RUNX1: variants seen among roughly 807,000 people sequenced by gnomAD.
RUNX1 encodes RUNX family transcription factor 1, also known as runt-related transcription factor 1.
Under a neutral mutation model 42.8 loss-of-function variants are expected in RUNX1, and 19 were observed. The ratio of observed to expected loss-of-function variants is 0.44; its 90% CI spans 0.31 to 0.65. The LOEUF (loss-of-function observed/expected upper bound fraction) is 0.65. Among genes scored for constraint, RUNX1 ranks in the 30% least tolerant of loss-of-function variants. The probability of loss-of-function intolerance (pLI) is 0.07; values close to 1 mark genes in which losing one functional copy is unlikely to be tolerated. For synonymous variants in RUNX1, 271 were observed against 289.4 expected, an observed-to-expected ratio of 0.94 and a Z score of 0.64; for missense variants, 528 against 672.0, an observed-to-expected ratio of 0.79 and a Z score of 2.37.
intron 2 of RUNX1, among the ~76,000 whole-genome samples, chr21:35,025,101 C>T (rs566172764): frequency 1.3e-5 from 2 of 152,358 alleles, no homozygotes; most frequent in East Asian, 1.9e-4. Context: ...GGTGCTCCCT[C>T]TCCCTCCCAG....
intron 2 of RUNX1, among the ~76,000 whole-genome samples, chr21:34,979,127 C>G (rs1313658754): frequency 6.6e-6 from 1 of 152,182 alleles, no homozygotes; most frequent in East Asian, 1.9e-4. Flanking sequence ...TGACTGGGAA[C>G]TGTCAAGTCT....
chr21:34,830,268 C>G (rs1038408919), intron 7 of RUNX1, among the ~76,000 whole-genome samples: 12 of 152,136 alleles, frequency 7.9e-5, no homozygotes, highest in African/African-American at 2.9e-4. Context: ...ATAAAGTAAA[C>G]AGAGTGGCTG....
At chr21:34,850,154 G>A (rs903483633) in intron 6 of RUNX1, among the ~76,000 whole-genome samples, 3 of 152,220 alleles carry the variant, frequency 2.0e-5, no homozygotes, top group African/African-American at 7.2e-5. Flanking sequence ...AGGAGTTGAT[G>A]TATTTTAATG....
chr21:34,966,914 G>A lies in RUNX1; in HGVS notation c.59-73951C>T, dbSNP rs180812176. Among the ~76,000 whole-genome samples the A allele has an allele frequency of 3.7e-3, 561 of 152,160 alleles. 2 individuals carry two copies. The highest frequency in any genetic ancestry group is 5.7e-3 in the Non-Finnish European group (385 of 68,018). On this transcript the variant is annotated intron_variant, in intron 2 of 8. Transcript: ENST00000675419. ...ATGAAAATGTGCCAGATGAGGTGAA[G>A]GAAGGAGAGCGCAGGGGTCCTAAGA...
At chr21:35,007,911 C>T (rs2059097074) in intron 2 of RUNX1, among the ~76,000 whole-genome samples, 1 of 152,158 alleles carries the variant, frequency 6.6e-6, no homozygotes, top group Admixed American at 6.5e-5. Context: ...AGCTCTTCAG[C>T]CTGGCATTCA....
chr21:34,970,305 A>G (rs1445376613), intron 2 of RUNX1, among the ~76,000 whole-genome samples: 1 of 152,240 alleles, frequency 6.6e-6, no homozygotes, highest in Non-Finnish European at 1.5e-5. Flanking sequence ...TAGTTTTGGA[A>G]GCACCACAGA....
At chr21:34,856,374 C>A (rs369618952) in intron 6 of RUNX1, 3 of 518,870 alleles carry the variant, frequency 5.8e-6, no homozygotes, top group Non-Finnish European at 1.2e-5. Flanking sequence ...TCGAGATGAG[C>A]CAAATATGCC....
At chr21:34,821,504 G>A in intron 7 of RUNX1, 1 of 1,486,254 alleles carries the variant, frequency 6.7e-7, no homozygotes, top group South Asian at 1.3e-5. Flanking sequence ...GTTTGCAGAG[G>A]GGGAGAAGGG....
intron 2 of RUNX1, among the ~76,000 whole-genome samples, chr21:34,954,435 G>A (rs1262315461): frequency 6.6e-6 from 1 of 152,102 alleles, no homozygotes; most frequent in East Asian, 1.9e-4. Context: ...AAGGCAGGAG[G>A]GTAAAGAATT....
intron 2 of RUNX1, among the ~76,000 whole-genome samples, chr21:35,033,160 C>A (rs1227799230): frequency 6.6e-6 from 1 of 152,196 alleles, no homozygotes; most frequent in Non-Finnish European, 1.5e-5. Flanking sequence ...TCCATCCATG[C>A]ATTTGCCTAT....
intron 2 of RUNX1, among the ~76,000 whole-genome samples, chr21:35,006,581 G>A (rs1234210647): frequency 6.6e-6 from 1 of 152,232 alleles, no homozygotes; most frequent in Non-Finnish European, 1.5e-5. Context: ...TGGATCAGAA[G>A]AGGAGAGCAA....
intron 7 of RUNX1, 193 bp downstream of exon 7, chr21:34,834,217 G>A (rs1337821672): frequency 1.4e-6 from 1 of 706,466 alleles, no homozygotes; most frequent in African/African-American, 1.7e-5. Flanking sequence ...CTGACTCGGT[G>A]GGTCTGGGGT....
Position 34,861,759 on chromosome 21 carries a change from C to T in RUNX1, c.509-2181G>A, listed in dbSNP as rs2057579638. ...TCACCCGAGTCTTCCTGCCCTTCAG[C>T]ATCTGGCAACGGGCAGTCACTCAGT... On this transcript the variant is annotated intron_variant, in intron 5 of 8. Transcript: ENST00000675419. Among the ~76,000 whole-genome samples the T allele has an allele frequency of 3.3e-5, 5 of 152,328 alleles. No individual in the cohort carries two copies. The South Asian group carries it at 1.0e-3, about 32-fold the overall frequency.
At chr21:35,038,281 G>A (rs2059325014) in intron 2 of RUNX1, among the ~76,000 whole-genome samples, 1 of 152,124 alleles carries the variant, frequency 6.6e-6, no homozygotes. Flanking sequence ...TCCCACCCCT[G>A]AGCTTGGGCC....
rs1274935523 is a variant in RUNX1, at chr21:34,821,716, C to G, written c.805+12694G>C. ...CTTCCTCTGAGGGAGCCATGTGTGACCAGGGAGAAAGTTCGAAAATAAGGA... is the reference window on the plus strand; with the variant it reads ...CTTCCTCTGAGGGAGCCATGTGTGAGCAGGGAGAAAGTTCGAAAATAAGGA... On this transcript the variant is annotated intron_variant, in intron 7 of 8. Transcript: ENST00000675419. The G allele has an allele frequency of 1.9e-6, 3 of 1,551,804 alleles. No individual in the cohort carries two copies. In the African/African-American group the frequency reaches 4.1e-5, roughly 21 times the overall value.
chr21:34,852,666 C>T (rs7279383), intron 6 of RUNX1, among the ~76,000 whole-genome samples: 6 of 152,074 alleles, frequency 3.9e-5, no homozygotes, highest in African/African-American at 7.2e-5. Context: ...ATGTGAGTCA[C>T]GACAGCATTT....
At chr21:34,794,064 A>G (rs2056490095) in intron 8 of RUNX1, among the ~76,000 whole-genome samples, 1 of 152,168 alleles carries the variant, frequency 6.6e-6, no homozygotes. Context: ...TATTTGATCA[A>G]TATATTAATA....
In RUNX1 at chr21:34,901,539, C is replaced by A. The variant is rs2146488030; in HGVS notation, c.59-8576G>T. Among the ~76,000 whole-genome samples the A allele has an allele frequency of 6.6e-6, 1 of 151,676 alleles. No individual in the cohort carries two copies. Among genetic ancestry groups the A allele is most frequent in the East Asian group, 1.9e-4 (1 of 5,136 alleles). On this transcript the variant is annotated intron_variant, in intron 2 of 8. Coordinates refer to ENST00000675419, the MANE Select transcript of RUNX1 (RefSeq NM_001754.5). This position sits in a 1 kb window ranked among gnomAD's most constrained non-coding sequence, Gnocchi z 4.3. ...AAATAAATAATAATAATAATAATAA[C>A]AATACCAGTTTCTATCTGTTAGTCT...
intron 2 of RUNX1, among the ~76,000 whole-genome samples, chr21:35,019,025 C>CCA (rs1261019961): frequency 6.6e-6 from 1 of 152,226 alleles, no homozygotes; most frequent in Non-Finnish European, 1.5e-5. Flanking sequence ...AATAATTTCA[C>CCA]CACACTTTCA....
Sources: gnomAD v4.1 joint callset for allele counts (sites outside exome capture counted in the v4.1 genomes callset) on GRCh38, gnomAD v4.1.1 for gene constraint, Gnocchi (gnomAD v3.1) non-coding constraint, MANE v1.5 for transcripts, NCBI Gene and HGNC (gene_info 2026-07-23, HGNC 2026-07-21) for gene names.